Variants in HEMK2 observed in about 807,000 individuals in gnomAD.
The protein encoded by HEMK2 is methyltransferase HEMK2.
chr21:28,803,800 C>A, the HEMK2 span, among the ~76,000 whole-genome samples: 1 of 152,164 alleles, frequency 6.6e-6, no homozygotes, highest in Non-Finnish European at 1.5e-5. Context: ...GTGAATCATC[C>A]ATTTCTATTT....
At chr21:28,862,367 C>T in the HEMK2 span, among the ~76,000 whole-genome samples, 1 of 148,552 alleles carries the variant, frequency 6.7e-6, no homozygotes, top group Non-Finnish European at 1.5e-5. Flanking sequence ...TCGCCGGGCG[C>T]GGTGGGTCAT....
the HEMK2 span, among the ~76,000 whole-genome samples, chr21:28,613,177 T>C: frequency 6.6e-6 from 1 of 151,892 alleles, no homozygotes; most frequent in Non-Finnish European, 1.5e-5. Context: ...ACAAAATGAG[T>C]GCAAGCTATG....
the HEMK2 span, among the ~76,000 whole-genome samples, chr21:28,866,035 A>G: frequency 0.84 from 126,162 of 150,602 alleles, 53,301 homozygotes; most frequent in South Asian, 0.93. Context: ...AGGCACAGTG[A>G]CTCATGCCTG....
At chr21:28,863,463 T>C in the HEMK2 span, among the ~76,000 whole-genome samples, 104 of 84,302 alleles carry the variant, frequency 1.2e-3, 6 homozygotes, top group African/African-American at 4.7e-3. Flanking sequence ...TATATATATA[T>C]ATATATACTT....
At chr21:28,804,169 C>T in the HEMK2 span, among the ~76,000 whole-genome samples, 332 of 152,280 alleles carry the variant, frequency 2.2e-3, 2 homozygotes, top group African/African-American at 7.0e-3. Context: ...AAGATAAAGG[C>T]TATCTTCTTA....
At chr21:28,863,470 A>G in the HEMK2 span, among the ~76,000 whole-genome samples, 1 of 77,634 alleles carries the variant, frequency 1.3e-5, no homozygotes, top group African/African-American at 4.8e-5. Flanking sequence ...ATATATATAT[A>G]CTTCATTAGT....
At chr21:28,884,334 A>G in the HEMK2 span, among the ~76,000 whole-genome samples, 2 of 152,224 alleles carry the variant, frequency 1.3e-5, no homozygotes, top group Non-Finnish European at 2.9e-5. Flanking sequence ...TAGTTTAATA[A>G]GAGCTGGGAC....
the HEMK2 span, among the ~76,000 whole-genome samples, chr21:28,752,329 G>A: frequency 1.3e-5 from 2 of 152,054 alleles, no homozygotes; most frequent in Non-Finnish European, 2.9e-5. Flanking sequence ...TAGTCCAAAG[G>A]ACCAAACAAA....
the HEMK2 span, chr21:28,876,553 G>T: frequency 3.0e-6 from 3 of 1,002,270 alleles, no homozygotes; most frequent in East Asian, 2.6e-5. Context: ...TGATCAATAA[G>T]CAATTTAATA....
At chr21:28,798,103 C>A in the HEMK2 span, among the ~76,000 whole-genome samples, 173 of 152,268 alleles carry the variant, frequency 1.1e-3, 1 homozygote, top group Non-Finnish European at 1.9e-3. Flanking sequence ...TATCTTTCCG[C>A]TCTCCCTTCT....
the HEMK2 span, among the ~76,000 whole-genome samples, chr21:28,857,271 C>T: frequency 1.3e-5 from 2 of 151,100 alleles, no homozygotes; most frequent in African/African-American, 4.9e-5. Flanking sequence ...AAAAAAAACA[C>T]AAACTACAAA....
At chr21:28,828,742 T>C in the HEMK2 span, among the ~76,000 whole-genome samples, 1 of 152,206 alleles carries the variant, frequency 6.6e-6, no homozygotes, top group African/African-American at 2.4e-5. Flanking sequence ...TCCAGTGGGC[T>C]TGTTGATCTT....
chr21:28,814,943 C>A, the HEMK2 span, among the ~76,000 whole-genome samples: 1 of 152,054 alleles, frequency 6.6e-6, no homozygotes, highest in South Asian at 2.1e-4. Context: ...ATGTTTACAG[C>A]GGCACTATTC....
the HEMK2 span, among the ~76,000 whole-genome samples, chr21:28,742,686 A>G: frequency 6.6e-6 from 1 of 151,874 alleles, no homozygotes; most frequent in African/African-American, 2.4e-5. Context: ...AAAAAAAAGG[A>G]AAAAAAATGG....
chr21:28,734,693 G>C, the HEMK2 span, among the ~76,000 whole-genome samples: 1 of 152,048 alleles, frequency 6.6e-6, no homozygotes, highest in Non-Finnish European at 1.5e-5. Flanking sequence ...GAAATGGGTG[G>C]GTCTCATCAT....
the HEMK2 span, among the ~76,000 whole-genome samples, chr21:28,795,482 G>A: frequency 6.6e-6 from 1 of 152,146 alleles, no homozygotes; most frequent in East Asian, 1.9e-4. Context: ...AGTCACAAAC[G>A]ACAAGGAACC....
the HEMK2 span, among the ~76,000 whole-genome samples, chr21:28,744,891 G>GTT: frequency 3.3e-5 from 5 of 152,008 alleles, no homozygotes; most frequent in Admixed American, 6.6e-5. Context: ...CTTTTATGGG[G>GTT]TTTTTTTGGT....
the HEMK2 span, among the ~76,000 whole-genome samples, chr21:28,755,622 G>A: frequency 6.6e-6 from 1 of 152,174 alleles, no homozygotes; most frequent in Non-Finnish European, 1.5e-5. Flanking sequence ...TAATTGTCTA[G>A]CAATTGTGAG....
At chr21:28,589,739 A>G in the HEMK2 span, among the ~76,000 whole-genome samples, 1 of 152,194 alleles carries the variant, frequency 6.6e-6, no homozygotes. Flanking sequence ...ATGGATACAT[A>G]TAGAAATATT....
Sources: gnomAD v4.1 joint callset for allele counts (sites outside exome capture counted in the v4.1 genomes callset) on GRCh38, gnomAD v4.1.1 for gene constraint, MANE v1.5 for transcripts, NCBI Gene and HGNC (gene_info 2026-07-23, HGNC 2026-07-21) for gene names.